MSRA: variants seen among roughly 807,000 people sequenced by gnomAD.
MSRA encodes the protein mitochondrial peptide methionine sulfoxide reductase.
A neutral mutation model predicts 31.3 loss-of-function variants in MSRA; 54 were observed. The observed-to-expected ratio is 1.73, with a 90% confidence interval of 1.39 to 2.17. The LOEUF is 2.17. Ranked by LOEUF, MSRA falls within the 30% of genes most tolerant of loss-of-function variation. The probability of loss-of-function intolerance (pLI) is 0.00; values close to 1 mark genes in which losing one functional copy is unlikely to be tolerated. For missense variants in MSRA, 507 were observed against 300.9 expected (o/e 1.69, Z -5.07); for synonymous variants, 169 against 116.5 (o/e 1.45, Z -2.90).
At chr8:10,406,278 G>A (rs143599343) in intron 5 of MSRA, among the ~76,000 whole-genome samples, 2 of 152,204 alleles carry the variant, frequency 1.3e-5, no homozygotes, top group African/African-American at 4.8e-5. Flanking sequence ...GTGACCTTGG[G>A]CAAGTTCCTT....
intron 1 of MSRA, among the ~76,000 whole-genome samples, chr8:10,063,241 A>G (rs908029815): frequency 3.3e-5 from 5 of 152,120 alleles, no homozygotes; most frequent in Admixed American, 1.3e-4. Context: ...CCTTCCTCCC[A>G]TGAGTCCCGA....
At chr8:10,398,824 T>C (rs1034157179) in intron 5 of MSRA, among the ~76,000 whole-genome samples, 11 of 152,208 alleles carry the variant, frequency 7.2e-5, no homozygotes, top group African/African-American at 2.7e-4. Context: ...AGTTGTCTTG[T>C]TCTTAAGAGC....
intron 1 of MSRA, among the ~76,000 whole-genome samples, chr8:10,072,001 G>T (rs1355022847): frequency 1.3e-5 from 2 of 152,234 alleles, no homozygotes; most frequent in East Asian, 3.9e-4. Flanking sequence ...CGTACGGGGT[G>T]GTCTGCCTAC....
At chr8:10,195,669 C>T (rs1163697593) in intron 1 of MSRA, among the ~76,000 whole-genome samples, 4 of 152,178 alleles carry the variant, frequency 2.6e-5, no homozygotes, top group Non-Finnish European at 5.9e-5. Context: ...CTGGCCTGAG[C>T]AAAACTGATA....
chr8:10,266,194 A>G (rs964045323), intron 3 of MSRA, among the ~76,000 whole-genome samples: 1 of 152,164 alleles, frequency 6.6e-6, no homozygotes, highest in African/African-American at 2.4e-5. Context: ...TAGTTGTACC[A>G]TTTTATATTC....
chr8:10,380,562 G>C (rs1484317518), intron 5 of MSRA, among the ~76,000 whole-genome samples: 1 of 152,224 alleles, frequency 6.6e-6, no homozygotes, highest in Non-Finnish European at 1.5e-5. Flanking sequence ...GACTCTTCCA[G>C]GGACAGTCCA....
At chr8:10,415,660 G>C (rs1808414723) in intron 5 of MSRA, among the ~76,000 whole-genome samples, 1 of 151,986 alleles carries the variant, frequency 6.6e-6, no homozygotes, top group Non-Finnish European at 1.5e-5. Flanking sequence ...CCCTGGCCTA[G>C]CCCACCTTTC....
intron 2 of MSRA, 139 bp from the exon 3 acceptor site, chr8:10,244,965 A>G: frequency 1.7e-6 from 1 of 594,650 alleles, no homozygotes; most frequent in Non-Finnish European, 2.7e-6. Context: ...TTTAAAAGAT[A>G]AAATCTTAGT....
chr8:10,261,245 A>C (rs1798464837), intron 3 of MSRA, among the ~76,000 whole-genome samples: 1 of 152,186 alleles, frequency 6.6e-6, no homozygotes. Context: ...ATATACATTT[A>C]GTATATACAT....
At chr8:10,276,719 T>C (rs1442690988) in intron 3 of MSRA, among the ~76,000 whole-genome samples, 1 of 152,220 alleles carries the variant, frequency 6.6e-6, no homozygotes, top group Admixed American at 6.5e-5. Context: ...CAGGAGCAAC[T>C]GATATGCAGC....
chr8:10,207,810 C>T (rs190341092), intron 1 of MSRA, 23 bp from the exon 2 acceptor site: 10 of 1,569,792 alleles, frequency 6.4e-6, no homozygotes, highest in South Asian at 1.1e-5. Flanking sequence ...CTTAAACTTG[C>T]ATTTCTTTTT....
At chr8:10,119,371 A>G (rs1800936304) in intron 1 of MSRA, among the ~76,000 whole-genome samples, 2 of 152,180 alleles carry the variant, frequency 1.3e-5, no homozygotes, top group African/African-American at 4.8e-5. Flanking sequence ...TTGGAGTCAC[A>G]TTCCTTAGCA....
intron 5 of MSRA, among the ~76,000 whole-genome samples, chr8:10,394,375 A>G (rs1806963491): frequency 1.3e-5 from 2 of 152,138 alleles, no homozygotes; most frequent in African/African-American, 2.4e-5. Flanking sequence ...TAGCCACCCC[A>G]CCCCAGCTTT....
chr8:10,245,821 C>T (rs547880550), intron 3 of MSRA, among the ~76,000 whole-genome samples: 13 of 152,320 alleles, frequency 8.5e-5, no homozygotes, highest in Admixed American at 5.2e-4. Context: ...TTGGCCAAAG[C>T]AAGTCATATG....
intron 1 of MSRA, among the ~76,000 whole-genome samples, chr8:10,150,603 A>C (rs981360017): frequency 6.6e-6 from 1 of 151,952 alleles, no homozygotes; most frequent in African/African-American, 2.4e-5. Flanking sequence ...AACAAACAAC[A>C]AAAAAAAGCA....
At chr8:10,089,584 A>G (rs1055225592) in intron 1 of MSRA, among the ~76,000 whole-genome samples, 7 of 152,210 alleles carry the variant, frequency 4.6e-5, no homozygotes, top group African/African-American at 1.7e-4. Flanking sequence ...GTCTTAGGTC[A>G]TTTTGTGTTG....
chr8:10,337,704 G>A (rs1026285299), intron 5 of MSRA: 6 of 702,322 alleles, frequency 8.5e-6, no homozygotes, highest in Admixed American at 4.0e-5. Context: ...CTCCTCTCTC[G>A]GCAGCTGGTG....
intron 1 of MSRA, among the ~76,000 whole-genome samples, chr8:10,135,685 C>G (rs1019965944): frequency 2.0e-5 from 3 of 152,182 alleles, no homozygotes; most frequent in African/African-American, 7.2e-5. Flanking sequence ...GCTAAATATA[C>G]TTAGGTTGAC....
chr8:10,259,319 A>G (rs926515479), intron 3 of MSRA, among the ~76,000 whole-genome samples: 3 of 152,150 alleles, frequency 2.0e-5, no homozygotes, highest in Non-Finnish European at 4.4e-5. Flanking sequence ...AATAAATGCA[A>G]TTTTGTCATT....
Sources: gnomAD v4.1 joint callset for allele counts (sites outside exome capture counted in the v4.1 genomes callset) on GRCh38, gnomAD v4.1.1 for gene constraint, MANE v1.5 for transcripts, NCBI Gene and HGNC (gene_info 2026-07-23, HGNC 2026-07-21) for gene names.